Variants in ZNF638 observed in about 807,000 individuals in gnomAD.
ZNF638 encodes the protein CTCL tumor antigen se33-1.
A neutral mutation model predicts 195.6 loss-of-function variants in ZNF638; 46 were observed. The observed-to-expected ratio is 0.24, with a 90% CI of 0.19 to 0.30. The LOEUF is 0.30. ZNF638 is among the 10% of genes least tolerant of loss of function. ZNF638 has a pLI of 1.00. For missense variants in ZNF638, 2,440 were observed against 2,325.3 expected, an observed-to-expected ratio of 1.05 and a Z score of -1.01; for synonymous variants, 845 against 772.0, an observed-to-expected ratio of 1.09 and a Z score of -1.57.
intron 22 of ZNF638, 51 bp downstream of exon 22, chr2:71,424,089 C>T (rs367853830): frequency 7.0e-6 from 11 of 1,568,326 alleles, no homozygotes; most frequent in South Asian, 3.6e-5. Context: ...TGATTAGCTC[C>T]GCTGCTGTAG....
At chr2:71,359,130 A>G (rs1389953456) in intron 3 of ZNF638, among the ~76,000 whole-genome samples, 1 of 152,096 alleles carries the variant, frequency 6.6e-6, no homozygotes, top group African/African-American at 2.4e-5. Context: ...ATGCCTATGT[A>G]TCGATATATG....
At chr2:71,399,998 C>A in intron 13 of ZNF638, 114 bp from the exon 14 acceptor site, 1 of 780,802 alleles carries the variant, frequency 1.3e-6, no homozygotes, top group Non-Finnish European at 1.9e-6. Flanking sequence ...TGGCTTATGT[C>A]AGGTCAGCCT....
chr2:71,369,754 G>T (rs996843796), intron 7 of ZNF638, 129 bp from the exon 8 acceptor site: 3 of 880,272 alleles, frequency 3.4e-6, no homozygotes, highest in Non-Finnish European at 5.0e-6. Flanking sequence ...ATAAAAACAG[G>T]CAAAAGCAAC....
chr2:71,360,894 C>A (rs2079097856), intron 3 of ZNF638, among the ~76,000 whole-genome samples: 1 of 152,166 alleles, frequency 6.6e-6, no homozygotes, highest in South Asian at 2.1e-4. Context: ...TTTCCAAATT[C>A]TGCTTGCAGA....
intron 1 of ZNF638, among the ~76,000 whole-genome samples, chr2:71,346,884 C>T (rs1476012415): frequency 6.6e-6 from 1 of 152,000 alleles, no homozygotes; most frequent in Non-Finnish European, 1.5e-5. Flanking sequence ...AGCCAGGTAG[C>T]ATGGTGGCAC....
chr2:71,341,937 G>A (rs772185906), intron 1 of ZNF638: 1 of 152,002 alleles, frequency 6.6e-6, no homozygotes, highest in Non-Finnish European at 1.5e-5. Context: ...TATTTTCTTC[G>A]TTGTGATATA....
chr2:71,393,135 C>T (rs1023445131), intron 10 of ZNF638, among the ~76,000 whole-genome samples: 1 of 151,728 alleles, frequency 6.6e-6, no homozygotes, highest in Non-Finnish European at 1.5e-5. Context: ...CCCACTCCAC[C>T]CTTAAAAATA....
chr2:71,410,990 C>CCA (rs2080206443), intron 20 of ZNF638, among the ~76,000 whole-genome samples: 1 of 74,436 alleles, frequency 1.3e-5, no homozygotes, highest in African/African-American at 4.4e-5. Flanking sequence ...ACCTCCCCCC[C>CCA]CCTTTTTTTT....
chr2:71,396,240 T>C, intron 11 of ZNF638, 49 bp downstream of exon 11: 1 of 1,502,592 alleles, frequency 6.7e-7, no homozygotes, highest in Non-Finnish European at 9.2e-7. Flanking sequence ...AACTTTAATG[T>C]ATTTTAAAAT....
chr2:71,350,012 A>G lies in ZNF638; in HGVS notation c.1058A>G (p.His353Arg), dbSNP rs138325312. The change falls in exon 2 of 28, where the codon CAT becomes CGT. Residue 353 changes from histidine (H) to arginine (R), a missense_variant. Physicochemically the swap from His to Arg is conservative, Grantham distance 29. Around this residue, in one of 5 missense-constraint regions of ZNF638, gnomAD observed 305 missense variants for 283.6 expected, o/e 1.08. Transcript: ENST00000264447. ...SSVSQQERIP[H>R]EPVINSSNVH... ...GTAAGCCAGCAAGAGCGGATCCCAC[A>G]TGAACCTGTGATTAATTCATCTAAC... 10 of 1,614,234 alleles carry G rather than the reference A, an allele frequency of 6.2e-6. No homozygotes were observed. In the East Asian group the frequency reaches 1.1e-4, roughly 18 times the overall value.
At chr2:71,360,032 A>C (rs556706782) in intron 3 of ZNF638, among the ~76,000 whole-genome samples, 3 of 152,224 alleles carry the variant, frequency 2.0e-5, no homozygotes, top group Non-Finnish European at 1.5e-5. Flanking sequence ...ATTATTCCAG[A>C]CTTTATCAAT....
intron 9 of ZNF638, 103 bp downstream of exon 9, chr2:71,380,383 T>C: frequency 8.9e-7 from 1 of 1,119,470 alleles, no homozygotes; most frequent in East Asian, 2.6e-5. Flanking sequence ...TCACTATAAC[T>C]ATAGTTTAAG....
intron 22 of ZNF638, among the ~76,000 whole-genome samples, chr2:71,424,275 G>A (rs1175229051): frequency 6.6e-6 from 1 of 150,500 alleles, no homozygotes; most frequent in East Asian, 1.9e-4. Flanking sequence ...GATACAATTT[G>A]GAAATAACTG....
intron 25 of ZNF638, 188 bp downstream of exon 25, chr2:71,428,839 T>TA (rs1296467766): frequency 2.2e-6 from 1 of 448,660 alleles, no homozygotes; most frequent in African/African-American, 2.0e-5. Flanking sequence ...GGATTATTGA[T>TA]ATTAGAATGT....
intron 15 of ZNF638, 70 bp from the exon 16 acceptor site, chr2:71,401,886 C>T: frequency 7.5e-7 from 1 of 1,328,498 alleles, no homozygotes. Flanking sequence ...TAACATGATA[C>T]ACAGTATAAA....
chr2:71,422,883 A>G lies in ZNF638; in HGVS notation c.3369A>G (p.Lys1123=), dbSNP rs760425003. The G allele has an allele frequency of 1.5e-5, 25 of 1,614,078 alleles. No homozygotes were observed. Among genetic ancestry groups the G allele is most frequent in the Non-Finnish European group, 2.0e-5 (24 of 1,179,982 alleles). Reference sequence around the variant, plus strand: ...CAGCAACTGATAGTCCCTCTGTTAAACCTAATGAGCTTGAAGAAGAAAGTA... The same window carrying G: ...CAGCAACTGATAGTCCCTCTGTTAAGCCTAATGAGCTTGAAGAAGAAAGTA... The part of the protein sequence containing the change: ...VQTATDSPSV[K]PNELEEESTP... Residue 1123 remains lysine, a synonymous_variant, in exon 22 of 28, where the codon AAA becomes AAG. Transcript: ENST00000264447.
chr2:71,385,459 G>C (rs976223834), intron 10 of ZNF638, among the ~76,000 whole-genome samples: 2 of 150,084 alleles, frequency 1.3e-5, no homozygotes, highest in African/African-American at 4.8e-5. Flanking sequence ...ACATTGAAAT[G>C]AAATTACAGA....
At position 71,433,883 on chromosome 2, in the gene ZNF638, A is replaced by G. The variant is rs566934850; in HGVS notation, c.5871+600A>G. 1.4e-3 allele frequency among the ~76,000 whole-genome samples: 206 copies of G among 152,316 alleles called. 1 individual carries two copies. Among genetic ancestry groups the G allele is most frequent in the African/African-American group, 4.8e-3 (200 of 41,574 alleles). ...TCATGAACTTCATGAGGTAGATGCT[A>G]TTATTCCAATCTTAAAGATGAGAAA... On this transcript the variant is annotated intron_variant, in intron 27 of 27. Coordinates refer to ENST00000264447, the MANE Select transcript of ZNF638 (RefSeq NM_014497.5).
chr2:71,362,875 C>T (rs1249131102), intron 3 of ZNF638, among the ~76,000 whole-genome samples: 1 of 152,168 alleles, frequency 6.6e-6, no homozygotes, highest in Non-Finnish European at 1.5e-5. Context: ...TCTCTTTTAA[C>T]CCTTAACCTA....
Sources: allele counts gnomAD v4.1 joint callset (sites outside exome capture counted in the v4.1 genomes callset), GRCh38; gene constraint gnomAD v4.1.1; regional missense constraint gnomAD v4.1.1; transcripts MANE v1.5; gene names NCBI Gene and HGNC (gene_info 2026-07-23, HGNC 2026-07-21).